Variants in GBF1 observed in about 807,000 individuals in gnomAD.
The protein encoded by GBF1 is golgi brefeldin A resistant guanine nucleotide exchange factor 1.
GBF1 carries 114 observed loss-of-function variants against 210.5 expected under a neutral mutation model. The observed-to-expected ratio is 0.54, with a 90% CI of 0.47 to 0.63. GBF1 has a LOEUF of 0.63. Among genes scored for constraint, GBF1 ranks in the 30% least tolerant of loss-of-function variants. GBF1 has a pLI of 0.00. For missense variants in GBF1, 1,851 were observed against 2,357.7 expected (o/e 0.79, Z 4.45); for synonymous variants, 850 against 889.2 (o/e 0.96, Z 0.78).
chr10:102,256,263 C>T (rs1388682076), intron 1 of GBF1, among the ~76,000 whole-genome samples: 1 of 151,966 alleles, frequency 6.6e-6, no homozygotes, highest in Non-Finnish European at 1.5e-5. Context: ...AAAATTTGTA[C>T]CAGTTTCTTT....
intron 18 of GBF1, 72 bp downstream of exon 18, chr10:102,365,671 G>A (rs920821894): frequency 6.9e-6 from 9 of 1,302,938 alleles, no homozygotes; most frequent in Middle Eastern, 2.3e-4. Context: ...GACACTTTGG[G>A]AGGCTGAGGC....
chr10:102,305,663 C>T (rs956266711), intron 3 of GBF1, among the ~76,000 whole-genome samples: 1 of 151,964 alleles, frequency 6.6e-6, no homozygotes, highest in Admixed American at 6.6e-5. Context: ...TCTTTTGAGA[C>T]GGAGTTCCGT....
At chr10:102,353,164 C>T (rs1053763709) in intron 7 of GBF1, among the ~76,000 whole-genome samples, 2 of 152,104 alleles carry the variant, frequency 1.3e-5, no homozygotes, top group African/African-American at 4.8e-5. Context: ...GCCCTTGGAT[C>T]CTGCTGCAAA....
rs747525720 is a variant in GBF1, at chr10:102,369,226, C to T, written c.2989C>T (p.Pro997Ser). The T allele has an allele frequency of 2.4e-5, 38 of 1,612,636 alleles. No homozygotes were observed. The highest frequency in any genetic ancestry group is 3.1e-5 in the Non-Finnish European group (36 of 1,178,750). Residue 997 changes from proline (P) to serine (S), a missense_variant, in exon 24 of 40, where the codon CCC (proline) becomes TCC (serine). Coordinates refer to ENST00000369983, the MANE Select transcript of GBF1 (RefSeq NM_001377137.1). ...ALSSESIENL[P>S]SVFGSNPKAH... Reference sequence around the variant, plus strand: ...TCTTTTCCAGTCTATTGAGAACCTGCCCAGTGTATTTGGAAGCAACCCTAA... The same window carrying T: ...TCTTTTCCAGTCTATTGAGAACCTGTCCAGTGTATTTGGAAGCAACCCTAA...
intron 4 of GBF1, among the ~76,000 whole-genome samples, chr10:102,347,870 G>A (rs2058680049): frequency 6.6e-6 from 1 of 152,124 alleles, no homozygotes; most frequent in African/African-American, 2.4e-5. Context: ...GGATTTCATG[G>A]GTTGCTAGCA....
At chr10:102,252,720 G>A (rs1275717052) in intron 1 of GBF1, among the ~76,000 whole-genome samples, 1 of 151,964 alleles carries the variant, frequency 6.6e-6, no homozygotes, top group Non-Finnish European at 1.5e-5. Context: ...GGTGACTCAT[G>A]CCTGTAGTTC....
At chr10:102,231,850 C>T in the GBF1 span, 26 of 1,581,416 alleles carry the variant, frequency 1.6e-5, no homozygotes, top group East Asian at 2.2e-5. Context: ...TTCTCCGGCT[C>T]GGGGACCTCC....
At chr10:102,349,555 G>GA (rs1037860545) in intron 4 of GBF1, among the ~76,000 whole-genome samples, 32 of 152,196 alleles carry the variant, frequency 2.1e-4, no homozygotes, top group African/African-American at 7.5e-4. Context: ...GAAAGAGAGA[G>GA]AAAAAATAAC....
chr10:102,367,340 C>G (rs1429424831), intron 20 of GBF1, 130 bp downstream of exon 20: 3 of 1,192,870 alleles, frequency 2.5e-6, no homozygotes. Flanking sequence ...GCTGGCCAAC[C>G]TAGAAAAGGG....
At chr10:102,344,465 G>GGTTTGTTTGTTT (rs10635573) in intron 4 of GBF1, among the ~76,000 whole-genome samples, 2 of 150,480 alleles carry the variant, frequency 1.3e-5, no homozygotes, top group Admixed American at 6.6e-5. Flanking sequence ...AGTTTGGTTA[G>GGTTTGTTTGTTT]GTTTGTTTGT....
intron 3 of GBF1, among the ~76,000 whole-genome samples, chr10:102,335,057 C>T (rs2057632375): frequency 6.6e-6 from 1 of 152,120 alleles, no homozygotes; most frequent in South Asian, 2.1e-4. Flanking sequence ...AAGACATCTC[C>T]AAAGGGCTTC....
At chr10:102,289,302 C>T (rs2076245745) in intron 3 of GBF1, among the ~76,000 whole-genome samples, 1 of 152,164 alleles carries the variant, frequency 6.6e-6, no homozygotes, top group Non-Finnish European at 1.5e-5. Flanking sequence ...ACATACCTTA[C>T]TCTATACCTG....
intron 3 of GBF1, among the ~76,000 whole-genome samples, chr10:102,278,078 G>A (rs1250733871): frequency 1.3e-5 from 2 of 151,964 alleles, no homozygotes; most frequent in African/African-American, 4.8e-5. Context: ...GCAACATAGT[G>A]AGAACTCATT....
At chr10:102,368,608 T>G in intron 22 of GBF1, 131 bp from the exon 23 acceptor site, 1 of 825,728 alleles carries the variant, frequency 1.2e-6, no homozygotes, top group Non-Finnish European at 2.0e-6. Flanking sequence ...GGCTCAGTCT[T>G]AAACAGAAAC....
Position 102,375,359 on chromosome 10 carries a change from G to C in GBF1, c.3661G>C (p.Val1221Leu). The change falls in exon 30 of 40, where the codon GTG (valine) becomes CTG (leucine). Residue 1221 changes from valine (V) to leucine (L), a missense_variant and splice_region_variant. By Grantham distance (32) the Val-to-Leu change is conservative. Transcript: ENST00000369983. ...LLRREEISAQVLLSLRILLLM... is the reference protein window; with the variant it reads ...LLRREEISAQLLLSLRILLLM... Reference sequence around the variant, plus strand: ...GCTCCCTGCCCTAACCCCACTCCAGGTGCTGCTCTCCCTGCGCATTTTGCT... The same window carrying C: ...GCTCCCTGCCCTAACCCCACTCCAGCTGCTGCTCTCCCTGCGCATTTTGCT... 6.2e-7 allele frequency: 1 copy of C among 1,600,374 alleles called. No homozygotes were observed. The highest frequency in any genetic ancestry group is 8.6e-7 in the Non-Finnish European group (1 of 1,167,708).
chr10:102,232,149 T>A, the GBF1 span: 1 of 969,382 alleles, frequency 1.0e-6, no homozygotes, highest in Non-Finnish European at 1.6e-6. Context: ...CCGGCTTAGC[T>A]AGGTCCCAGC....
At chr10:102,317,781 G>A (rs2055961187) in intron 3 of GBF1, among the ~76,000 whole-genome samples, 1 of 152,030 alleles carries the variant, frequency 6.6e-6, no homozygotes, top group Non-Finnish European at 1.5e-5. Flanking sequence ...CTTTTATCAT[G>A]TTATGGGCAT....
At chr10:102,313,855 A>G (rs2078697008) in intron 3 of GBF1, among the ~76,000 whole-genome samples, 1 of 152,154 alleles carries the variant, frequency 6.6e-6, no homozygotes, top group Admixed American at 6.6e-5. Context: ...ATTGGGACAC[A>G]ATTGCAGGCT....
chr10:102,379,729 T>G, intron 35 of GBF1, 78 bp downstream of exon 35: 1 of 1,532,600 alleles, frequency 6.5e-7, no homozygotes, highest in Non-Finnish European at 9.0e-7. Context: ...GAGCCCCTAA[T>G]GTGAGTCTTC....
Sources: allele counts gnomAD v4.1 joint callset (sites outside exome capture counted in the v4.1 genomes callset), GRCh38; gene constraint gnomAD v4.1.1; transcripts MANE v1.5; gene names NCBI Gene and HGNC (gene_info 2026-07-23, HGNC 2026-07-21).